NCOR2: variants seen among roughly 807,000 people sequenced by gnomAD.
The protein encoded by NCOR2 is nuclear receptor corepressor 2.
A neutral mutation model predicts 262.9 loss-of-function variants in NCOR2; 81 were observed. The ratio of observed to expected loss-of-function variants is 0.31; its 90% CI spans 0.26 to 0.37. The LOEUF is 0.37. Among genes scored for constraint, NCOR2 ranks in the 10% least tolerant of loss-of-function variants. The pLI is 1.00. For missense variants in NCOR2, 3,385 were observed against 3,621.4 expected (o/e 0.93, Z 1.68); for synonymous variants, 1,659 against 1,559.3 (o/e 1.06, Z -1.51).
upstream of NCOR2, among the ~76,000 whole-genome samples, chr12:124,539,877 G>A (rs191288816): frequency 6.6e-6 from 1 of 152,142 alleles, no homozygotes; most frequent in Non-Finnish European, 1.5e-5. The surrounding 1 kb of genome is among the most constrained non-coding windows in gnomAD (Gnocchi z 5.1). Context: ...AGGCCAACCT[G>A]ACTCGTCCAT....
At position 124,479,527 on chromosome 12, in the gene NCOR2, G is replaced by A. The variant is rs572943672; in HGVS notation, c.411+4069C>T. 6.6e-5 allele frequency among the ~76,000 whole-genome samples: 10 copies of A among 150,660 alleles called. No individual in the cohort carries two copies. The East Asian group carries it at 1.8e-3, about 27-fold the overall frequency. ...CATACACACGCACATGCGCGCACAC[G>A]CACACACACACCCGCACCCACACAC... On this transcript the variant is annotated intron_variant, in intron 3 of 46. Coordinates refer to ENST00000405201, the Ensembl canonical transcript of NCOR2.
chr12:124,343,024 G>A (rs201653383), exon 33 of NCOR2: 325 of 1,611,280 alleles, frequency 2.0e-4, no homozygotes, highest in Non-Finnish European at 2.7e-4. Context: ...GAGGGATGCC[G>A]CGGGGTATGG....
exon 20 of NCOR2, chr12:124,372,310 C>G: frequency 1.3e-6 from 2 of 1,529,578 alleles, no homozygotes; most frequent in African/African-American, 2.8e-5. Flanking sequence ...CTGCTCCTCC[C>G]CCTCCTCCAC....
At chr12:124,326,023 T>C (rs2034606990) in intron 46 of NCOR2, 168 bp downstream of exon 48, 1 of 708,810 alleles carries the variant, frequency 1.4e-6, no homozygotes, top group Non-Finnish European at 2.1e-6. Context: ...ATCCTGATGG[T>C]TCGTGAGCCA....
chr12:124,499,010 T>C (rs550447220), upstream of NCOR2, among the ~76,000 whole-genome samples: 2 of 152,312 alleles, frequency 1.3e-5, no homozygotes, highest in Admixed American at 1.3e-4. Context: ...CTGCTAATGG[T>C]TACAGGGTTT....
intron 1 of NCOR2, among the ~76,000 whole-genome samples, chr12:124,544,320 G>A (rs560636860): frequency 4.1e-4 from 62 of 152,344 alleles, no homozygotes; most frequent in African/African-American, 1.4e-3. Flanking sequence ...TTCTCCCAGA[G>A]AGGCTGCCTG....
intron 1 of NCOR2, among the ~76,000 whole-genome samples, chr12:124,505,712 G>A (rs2049003809): frequency 6.6e-6 from 1 of 152,098 alleles, no homozygotes; most frequent in African/African-American, 2.4e-5. Context: ...TCGGCCCACA[G>A]AAGAGCCCCC....
intron 1 of NCOR2, chr12:124,518,353 G>A (rs2049955419): frequency 6.6e-6 from 1 of 152,350 alleles, no homozygotes; most frequent in Non-Finnish European, 1.5e-5. Flanking sequence ...GGCGGCCCCA[G>A]AGGGCGGCCT....
intron 16 of NCOR2, among the ~76,000 whole-genome samples, chr12:124,386,092 T>C (rs1338257757): frequency 6.6e-6 from 1 of 152,124 alleles, no homozygotes; most frequent in African/African-American, 2.4e-5. Context: ...AGTCCTGGCC[T>C]CTGGGGTCTG....
chr12:124,335,977 T>C (rs1027270198), intron 38 of NCOR2: 3 of 268,752 alleles, frequency 1.1e-5, no homozygotes, highest in Non-Finnish European at 2.1e-5. Context: ...GGAAGGAGTG[T>C]GTGGGGCGGA....
chr12:124,490,925 G>T (rs1045011237), intron 1 of NCOR2, among the ~76,000 whole-genome samples: 3 of 152,234 alleles, frequency 2.0e-5, no homozygotes, highest in Non-Finnish European at 4.4e-5. Context: ...TGTGCAGTGG[G>T]ACCCCATATC....
chr12:124,378,608 C>T lies in NCOR2; in HGVS notation c.2020-224G>A, dbSNP rs535988930. Among the ~76,000 whole-genome samples the T allele has an allele frequency of 2.0e-5, 3 of 152,324 alleles. No individual in the cohort carries two copies. The East Asian group carries it at 5.8e-4, about 29-fold the overall frequency. On this transcript the variant is annotated intron_variant, in intron 17 of 46. Coordinates refer to ENST00000405201, the Ensembl canonical transcript of NCOR2. This position sits in a 1 kb window ranked among gnomAD's most constrained non-coding sequence, Gnocchi z 4.2. ...TTGAGCCCCAGATACACTCTGGGTA[C>T]AGGCTGGCCCCTCAGCCACCCTGAC...
rs2036973276 is a variant in NCOR2, at chr12:124,346,870, G to C, written c.4073-20C>G. Reference sequence around the variant, plus strand: ...GGATCCCTGCCGGGCCGACAGCACTGACCCTCACGCCCCGCCCCACCCAGA... The same window carrying C: ...GGATCCCTGCCGGGCCGACAGCACTCACCCTCACGCCCCGCCCCACCCAGA... On this transcript the variant is annotated intron_variant, in intron 30 of 46. Coordinates refer to ENST00000405201, the Ensembl canonical transcript of NCOR2. The C allele has an allele frequency of 6.5e-7, 1 of 1,531,838 alleles. No homozygotes were observed. The highest frequency in any genetic ancestry group is 8.8e-7 in the Non-Finnish European group (1 of 1,141,732). 94.9% of individuals were successfully genotyped at this position (1,531,838 alleles called of 1,614,324 possible).
chr12:124,526,239 C>A (rs1363225042), intron 1 of NCOR2, among the ~76,000 whole-genome samples: 2 of 152,306 alleles, frequency 1.3e-5, no homozygotes, highest in Non-Finnish European at 2.9e-5. Context: ...CCTCTCTCCA[C>A]CCCAGGTGAC....
chr12:124,456,037 G>A (rs148393487), intron 6 of NCOR2, among the ~76,000 whole-genome samples: 80 of 152,240 alleles, frequency 5.3e-4, no homozygotes, highest in Middle Eastern at 6.8e-3. Flanking sequence ...CACCACACCT[G>A]GTGAATTTTT....
At chr12:124,496,643 G>A (rs2048397266), upstream of NCOR2, among the ~76,000 whole-genome samples, 2 of 152,196 alleles carry the variant, frequency 1.3e-5, no homozygotes, top group African/African-American at 4.8e-5. This position sits in a 1 kb window ranked among gnomAD's most constrained non-coding sequence, Gnocchi z 4.4. Flanking sequence ...GCCTAATGTG[G>A]AGGGGCATTG....
At chr12:124,534,827 C>G (rs1178575012) in intron 1 of NCOR2, among the ~76,000 whole-genome samples, 1 of 152,156 alleles carries the variant, frequency 6.6e-6, no homozygotes, top group Non-Finnish European at 1.5e-5. Context: ...AAATGAGGCA[C>G]CACCCATTCT....
intron 1 of NCOR2, among the ~76,000 whole-genome samples, chr12:124,553,598 G>A (rs192399245): frequency 6.6e-6 from 1 of 152,218 alleles, no homozygotes. Context: ...GCAGAGTCCA[G>A]CATCTGATGA....
intron 38 of NCOR2, 158 bp downstream of exon 40, chr12:124,336,595 T>C (rs368083432): frequency 1.0e-5 from 10 of 983,252 alleles, no homozygotes; most frequent in African/African-American, 1.8e-5. Context: ...TCTGAAAATA[T>C]CTTTGGACCA....
Sources: allele counts gnomAD v4.1 joint callset (sites outside exome capture counted in the v4.1 genomes callset), GRCh38; gene constraint gnomAD v4.1.1; non-coding constraint Gnocchi (gnomAD v3.1); transcripts MANE v1.5; gene names NCBI Gene and HGNC (gene_info 2026-07-23, HGNC 2026-07-21).